The following WNK3 variants were observed in gnomAD, a reference collection of about 807,000 sequenced individuals.
The protein encoded by WNK3 is serine/threonine-protein kinase WNK3.
In WNK3, 18 loss-of-function variants were observed where a neutral mutation model predicts 116.7. The observed-to-expected ratio is 0.15, with a 90% CI of 0.11 to 0.23. The LOEUF is 0.23. WNK3 is among the 10% of genes least tolerant of loss of function. The pLI is 1.00. For missense variants in WNK3, 993 were observed against 1,323.8 expected (o/e 0.75, Z 3.88); for synonymous variants, 404 against 469.4 (o/e 0.86, Z 1.80).
At chrX:54,222,931 TATATATATAA>T (rs2067786176) in intron 22 of WNK3, among the ~76,000 whole-genome samples, 3 of 95,610 alleles carry the variant, frequency 3.1e-5, no homozygotes, top group African/African-American at 1.2e-4. Flanking sequence ...TATATATATA[TATATATATAA>T]AAAAAGACAC....
chrX:54,322,637 A>T (rs1226848604), intron 2 of WNK3, among the ~76,000 whole-genome samples: 2 of 112,236 alleles, frequency 1.8e-5, no homozygotes, highest in African/African-American at 6.5e-5. Flanking sequence ...TTACATAGAT[A>T]TAATTGATGG....
intron 2 of WNK3, among the ~76,000 whole-genome samples, chrX:54,331,381 CATATAT>C (rs151229462): frequency 1.9e-5 from 2 of 102,956 alleles, no homozygotes; most frequent in African/African-American, 3.5e-5. Context: ...TGTGTGTGTG[CATATAT>C]ATATATATAT....
At chrX:54,273,344 G>C (rs1431867924) in intron 10 of WNK3, among the ~76,000 whole-genome samples, 1 of 111,777 alleles carries the variant, frequency 8.9e-6, no homozygotes, top group African/African-American at 3.3e-5. Flanking sequence ...TGTAATCCTA[G>C]CACTTTGGGA....
At chrX:54,223,228 AAG>A (rs2067791598) in intron 22 of WNK3, 1 of 110,873 alleles carries the variant, frequency 9.0e-6, no homozygotes, top group South Asian at 3.8e-4. Flanking sequence ...TTCAAAGTAA[AAG>A]AACAGAAAAA....
intron 2 of WNK3, among the ~76,000 whole-genome samples, chrX:54,326,782 C>T (rs1205382555): frequency 3.6e-5 from 4 of 111,201 alleles, no homozygotes; most frequent in East Asian, 2.8e-4. Flanking sequence ...GTCAGGAGAT[C>T]GAGACCATCC....
chrX:54,271,798 C>T (rs1404993640), intron 10 of WNK3, among the ~76,000 whole-genome samples: 12 of 111,754 alleles, frequency 1.1e-4, no homozygotes, highest in Admixed American at 8.6e-4. Flanking sequence ...CTGCTATTTA[C>T]GAAGCTGGCT....
intron 11 of WNK3, among the ~76,000 whole-genome samples, chrX:54,258,246 C>A (rs1303760971): frequency 1.0e-5 from 1 of 96,299 alleles, no homozygotes; most frequent in Non-Finnish European, 2.1e-5. Context: ...CCACTGCACT[C>A]CAGCCTGGGC....
chrX:54,290,797 A>G (rs1557164866), intron 10 of WNK3, among the ~76,000 whole-genome samples: 1 of 111,355 alleles, frequency 9.0e-6, no homozygotes, highest in African/African-American at 3.3e-5. Flanking sequence ...GTTGGCAGAA[A>G]TAAATACTGA....
intron 10 of WNK3, among the ~76,000 whole-genome samples, chrX:54,268,399 G>A (rs1389802416): frequency 9.0e-6 from 1 of 111,376 alleles, no homozygotes; most frequent in East Asian, 2.8e-4. Context: ...TGAGATGGGA[G>A]GATTATTTGA....
intron 1 of WNK3, among the ~76,000 whole-genome samples, chrX:54,347,002 C>T (rs1265740039): frequency 9.0e-6 from 1 of 111,730 alleles, no homozygotes; most frequent in Non-Finnish European, 1.9e-5. Flanking sequence ...GGATATGCTC[C>T]AGTGACCAGG....
intron 2 of WNK3, among the ~76,000 whole-genome samples, chrX:54,327,851 C>A (rs2069123970): frequency 9.1e-6 from 1 of 110,294 alleles, no homozygotes; most frequent in African/African-American, 3.3e-5. Context: ...ATCTGTGGTC[C>A]CAGCTACTAG....
chrX:54,221,003 G>A (rs1468775349), intron 22 of WNK3, among the ~76,000 whole-genome samples: 1 of 111,395 alleles, frequency 9.0e-6, no homozygotes, highest in African/African-American at 3.3e-5. Flanking sequence ...CAAAACACAG[G>A]CATACTTTCT....
intron 2 of WNK3, among the ~76,000 whole-genome samples, chrX:54,323,970 T>C (rs1184067587): frequency 3.6e-5 from 4 of 112,625 alleles, no homozygotes; most frequent in African/African-American, 1.3e-4. Flanking sequence ...AAATGTATTA[T>C]CTGCTAGTTG....
rs1557153859 is a variant in WNK3 at position 54,250,174 on chromosome X, C to A, written c.2576-43G>T. 23 of 1,114,847 alleles carry A rather than the reference C, an allele frequency of 2.1e-5. No individual in the cohort carries two copies. The East Asian group carries it at 7.5e-4, about 36-fold the overall frequency. The allele number at this position is 1,114,847 out of a possible 1,213,427, so 91.9% of individuals were successfully genotyped here. On this transcript the variant is annotated intron_variant, in intron 15 of 23. Transcript: ENST00000354646. Reference sequence around the variant, plus strand: ...AAAAAATAATATGCTAAGCTATTTTCAATTTATTTACCTTATTGACTGAAG... The same window carrying A: ...AAAAAATAATATGCTAAGCTATTTTAAATTTATTTACCTTATTGACTGAAG...
chrX:54,258,800 C>T (rs2068225271), intron 11 of WNK3, among the ~76,000 whole-genome samples: 1 of 107,246 alleles, frequency 9.3e-6, no homozygotes, highest in African/African-American at 3.4e-5. Context: ...AAAAAAAACA[C>T]CTCACTGAAT....
intron 10 of WNK3, among the ~76,000 whole-genome samples, chrX:54,287,067 T>C (rs782669416): frequency 1.8e-5 from 2 of 111,275 alleles, no homozygotes; most frequent in East Asian, 5.6e-4. Context: ...TGCTAGCTTT[T>C]GGGTATGACA....
chrX:54,305,074 CCAGGAGGCAGAGGTTG>C (rs1557168376), intron 5 of WNK3, among the ~76,000 whole-genome samples: 1 of 110,132 alleles, frequency 9.1e-6, no homozygotes. Flanking sequence ...TCGCTTGAAC[CCAGGAGGCAGAGGTTG>C]CAGTGAGCTG....
At chrX:54,213,546 T>C (rs1557144246) in intron 22 of WNK3, among the ~76,000 whole-genome samples, 1 of 58,650 alleles carries the variant, frequency 1.7e-5, no homozygotes, top group Non-Finnish European at 2.7e-5. Context: ...AGAGTGAGAC[T>C]CCGTCTCAAA....
chrX:54,198,224 G>A (rs1450218743), exon 24 of WNK3: 2 of 774,131 alleles, frequency 2.6e-6, no homozygotes, highest in Non-Finnish European at 3.6e-6. Flanking sequence ...CTCAAATGAG[G>A]GAAAATATGA....
Sources: gnomAD v4.1 joint callset for allele counts (sites outside exome capture counted in the v4.1 genomes callset) on GRCh38, gnomAD v4.1.1 for gene constraint, MANE v1.5 for transcripts, NCBI Gene and HGNC (gene_info 2026-07-23, HGNC 2026-07-21) for gene names.